The following KLF3 variants were observed in gnomAD, a reference collection of about 807,000 sequenced individuals.
The protein encoded by KLF3 is Krueppel-like factor 3.
KLF3 carries 6 observed loss-of-function variants against 32.7 expected under a neutral mutation model. That is an observed-to-expected ratio of 0.18 (90% CI 0.10 to 0.36). KLF3 has a LOEUF of 0.36. Ranked by LOEUF, KLF3 falls within the 10% of genes least tolerant of loss-of-function variation. The pLI is 1.00. For synonymous variants in KLF3, 145 were observed against 172.8 expected, an observed-to-expected ratio of 0.84 and a Z score of 1.26; for missense variants, 338 against 449.7, an observed-to-expected ratio of 0.75 and a Z score of 2.25.
Position 38,700,170 on chromosome 4 carries a change from A to C in KLF3, c.*2907A>C, listed in dbSNP as rs1367046789. 1 of 152,208 alleles carries C rather than the reference A, an allele frequency of 6.6e-6. No individual in the cohort carries two copies. The highest frequency in any genetic ancestry group is 1.5e-5 in the Non-Finnish European group (1 of 68,038). The allele number at this position is 152,208 out of a possible 1,614,324, so 9.4% of individuals were successfully genotyped here. A position where few individuals can be genotyped will look rare whatever the true frequency, so the allele number is the denominator to read the frequency against. On this transcript the variant is annotated 3_prime_UTR_variant, in exon 6 of 6. Transcript: ENST00000261438. Reference sequence around the variant, plus strand: ...CATTCTAAATTGCTTGGTTTGGAGAATGTGTTAGCAGCATAGCTATATTCA... The same window carrying C: ...CATTCTAAATTGCTTGGTTTGGAGACTGTGTTAGCAGCATAGCTATATTCA...
chr4:38,701,103 A>G lies in KLF3; in HGVS notation c.*3840A>G, dbSNP rs1158953166. 6.6e-6 allele frequency: 1 copy of G among 152,222 alleles called. No homozygotes were observed. The highest frequency in any genetic ancestry group is 1.9e-4 in the East Asian group (1 of 5,200). 9.4% of individuals were successfully genotyped at this position (152,222 alleles called of 1,614,324 possible). A position where few individuals can be genotyped will look rare whatever the true frequency, so the allele number is the denominator to read the frequency against. ...TAGAGCAAAACTTACAGAGCAATGT[A>G]AGAACCCTTGCTTAGAACATTACTT... On this transcript the variant is annotated 3_prime_UTR_variant, in exon 6 of 6. Transcript: ENST00000261438.
intron 4 of KLF3, among the ~76,000 whole-genome samples, chr4:38,694,208 G>C (rs113065667): frequency 0.025 from 3,748 of 152,226 alleles, 108 homozygotes; most frequent in Non-Finnish European, 0.033. Flanking sequence ...ATTACATAAA[G>C]GATAAAAACG....
At chr4:38,665,392 A>T (rs1404884336) in intron 1 of KLF3, among the ~76,000 whole-genome samples, 2 of 152,118 alleles carry the variant, frequency 1.3e-5, no homozygotes, top group Non-Finnish European at 2.9e-5. Context: ...GGCAGATGAG[A>T]TCTGGAATTG....
At chr4:38,693,064 A>ACG (rs1287847420) in intron 4 of KLF3, among the ~76,000 whole-genome samples, 6 of 140,994 alleles carry the variant, frequency 4.3e-5, no homozygotes, top group Admixed American at 7.4e-5. Flanking sequence ...ATATATATAT[A>ACG]TGTATATATA....
At chr4:38,695,277 G>A (rs759822622) in intron 5 of KLF3, among the ~76,000 whole-genome samples, 1 of 152,150 alleles carries the variant, frequency 6.6e-6, no homozygotes, top group East Asian at 1.9e-4. Context: ...TCATGAGAGC[G>A]AACAGTCTTT....
intron 2 of KLF3, among the ~76,000 whole-genome samples, chr4:38,684,528 T>G (rs1309438052): frequency 2.2e-5 from 3 of 137,704 alleles, no homozygotes; most frequent in Non-Finnish European, 3.0e-5. Flanking sequence ...GTTTTTTTGT[T>G]TTGGTTTTTT....
At chr4:38,686,316 T>C (rs1031980176) in intron 2 of KLF3, among the ~76,000 whole-genome samples, 1 of 151,646 alleles carries the variant, frequency 6.6e-6, no homozygotes, top group Non-Finnish European at 1.5e-5. Context: ...CGTGGTGTCA[T>C]GTGCCTGTAG....
At chr4:38,695,870 C>A (rs1309764381) in intron 5 of KLF3, among the ~76,000 whole-genome samples, 3 of 152,090 alleles carry the variant, frequency 2.0e-5, no homozygotes, top group Non-Finnish European at 4.4e-5. Context: ...GGTTGCTTTT[C>A]TGAGTCTTGC....
chr4:38,670,810 C>T (rs780189642), intron 1 of KLF3, among the ~76,000 whole-genome samples: 20 of 152,250 alleles, frequency 1.3e-4, no homozygotes, highest in African/African-American at 2.7e-4. Context: ...CTTAATTTAT[C>T]CTAGCATGTG....
At position 38,701,426 on chromosome 4, in the gene KLF3, T is replaced by C. The variant is rs1723188021; in HGVS notation, c.*4163T>C. Among the ~76,000 whole-genome samples, 1 of 152,230 alleles carries C rather than the reference T, an allele frequency of 6.6e-6. No individual in the cohort carries two copies. The highest frequency in any genetic ancestry group is 2.1e-4 in the South Asian group (1 of 4,826). ...GCATGTGTATAATACTTTAAACTTT[T>C]AGAGTAAAATATCAAGACTCTCATG... On this transcript the variant is annotated 3_prime_UTR_variant, in exon 6 of 6. Coordinates refer to ENST00000261438, the MANE Select transcript of KLF3 (RefSeq NM_016531.6).
At position 38,699,160 on chromosome 4, in the gene KLF3, T is replaced by C. The variant is rs1490981839; in HGVS notation, c.*1897T>C. 6.6e-6 allele frequency: 1 copy of C among 152,190 alleles called. No individual in the cohort carries two copies. The highest frequency in any genetic ancestry group is 2.4e-5 in the African/African-American group (1 of 41,442). 9.4% of individuals were successfully genotyped at this position (152,190 alleles called of 1,614,324 possible). A position where few individuals can be genotyped will look rare whatever the true frequency, so the allele number is the denominator to read the frequency against. ...GAAATGTGTTATCTTGGCACTTGGG[T>C]TTGATTTTCCTTTTTTTAAAGCACT... is the stretch of plus-strand genomic sequence containing the variant. On this transcript the variant is annotated 3_prime_UTR_variant, in exon 6 of 6. Transcript: ENST00000261438.
In KLF3 at chr4:38,670,133, A is replaced by G. The variant is rs111564916; in HGVS notation, c.-40+5672A>G. Among the ~76,000 whole-genome samples the G allele has an allele frequency of 1.8e-3, 278 of 152,204 alleles. 2 individuals are homozygous for G. Among genetic ancestry groups the G allele is most frequent in the African/African-American group, 5.9e-3 (244 of 41,528 alleles). ...AGGCTGAATTCATTATCATTTCTCC[A>G]TCTAATTATTTAGAAGGGCTGGAGA... On this transcript the variant is annotated intron_variant, in intron 1 of 5. Coordinates refer to ENST00000261438, the MANE Select transcript of KLF3 (RefSeq NM_016531.6).
intron 2 of KLF3, among the ~76,000 whole-genome samples, chr4:38,681,451 G>A (rs1579123708): frequency 6.6e-6 from 1 of 152,210 alleles, no homozygotes; most frequent in Non-Finnish European, 1.5e-5. Context: ...GAAGAGTCTG[G>A]CTGGGTAGGA....
rs1723189489 is a variant in KLF3 at position 38,701,465 on chromosome 4, A to C, written c.*4202A>C. Among the ~76,000 whole-genome samples the C allele has an allele frequency of 6.6e-6, 1 of 152,204 alleles. No homozygotes were observed. The highest frequency in any genetic ancestry group is 2.1e-4 in the South Asian group (1 of 4,826). On this transcript the variant is annotated 3_prime_UTR_variant, in exon 6 of 6. Coordinates refer to ENST00000261438, the MANE Select transcript of KLF3 (RefSeq NM_016531.6). ...AAGACTCTCATGTTGGGGAGTGGGG[A>C]ACGAGGAACAGAACAATAACGCATT...
At chr4:38,691,598 C>T (rs1457137732) in intron 4 of KLF3, among the ~76,000 whole-genome samples, 1 of 152,192 alleles carries the variant, frequency 6.6e-6, no homozygotes, top group Non-Finnish European at 1.5e-5. Flanking sequence ...ATATTCTGTG[C>T]TCTGAATGCT....
intron 1 of KLF3, among the ~76,000 whole-genome samples, chr4:38,675,099 C>T (rs892828190): frequency 1.3e-5 from 2 of 152,232 alleles, no homozygotes; most frequent in African/African-American, 2.4e-5. Context: ...AATGATTCAC[C>T]AACCCTTTTA....
At chr4:38,693,364 A>T (rs1722944185) in intron 4 of KLF3, among the ~76,000 whole-genome samples, 1 of 151,196 alleles carries the variant, frequency 6.6e-6, no homozygotes, top group Non-Finnish European at 1.5e-5. Context: ...AAAAAAAAGC[A>T]TGAGAAGTAA....
chr4:38,698,578 C>G lies in KLF3; in HGVS notation c.*1315C>G, dbSNP rs1723116608. 6.6e-6 allele frequency: 1 copy of G among 152,522 alleles called. No individual in the cohort carries two copies. The highest frequency in any genetic ancestry group is 2.4e-5 in the African/African-American group (1 of 41,414). The allele number at this position is 152,522 out of a possible 1,614,324, so 9.4% of individuals were successfully genotyped here. On this transcript the variant is annotated 3_prime_UTR_variant, in exon 6 of 6. Coordinates refer to ENST00000261438, the MANE Select transcript of KLF3 (RefSeq NM_016531.6). ...TATAGAAAACCACAGATCAGGGATTCATATATGTAGCTCAAAAATTCCCAA... is the reference window on the plus strand; with the variant it reads ...TATAGAAAACCACAGATCAGGGATTGATATATGTAGCTCAAAAATTCCCAA...
rs397768868 is a variant in KLF3, at chr4:38,674,789, A to AGAAG, written c.-39-5798_-39-5797insGAAG. 6.7e-6 allele frequency among the ~76,000 whole-genome samples: 1 copy of AGAAG among 150,254 alleles called. No individual in the cohort carries two copies. The highest frequency in any genetic ancestry group is 1.5e-5 in the Non-Finnish European group (1 of 67,444). ...TTGCTCTAACCCCAAGAAACAGGAA[A>AGAAG]CTGCTCCTGATACGTACACATTCTC... On this transcript the variant is annotated intron_variant, in intron 1 of 5. Transcript: ENST00000261438. This position sits in a 1 kb window ranked among gnomAD's most constrained non-coding sequence, Gnocchi z 4.1.
Sources: allele counts gnomAD v4.1 joint callset (sites outside exome capture counted in the v4.1 genomes callset), GRCh38; gene constraint gnomAD v4.1.1; non-coding constraint Gnocchi (gnomAD v3.1); transcripts MANE v1.5; gene names NCBI Gene and HGNC (gene_info 2026-07-23, HGNC 2026-07-21).